Variants in NEGR1 observed in about 807,000 individuals in gnomAD.
The protein encoded by NEGR1 is IgLON family member 4.
In NEGR1, 10 loss-of-function variants were observed where a neutral mutation model predicts 40.9. The observed-to-expected ratio is 0.24, with a 90% CI of 0.15 to 0.42. NEGR1 has a LOEUF of 0.42. NEGR1 is among the 10% of genes least tolerant of loss of function. NEGR1 has a pLI of 1.00. For synonymous variants in NEGR1, 185 were observed against 166.8 expected (o/e 1.11, Z -0.84); for missense variants, 352 against 438.9 (o/e 0.80, Z 1.77).
intron 4 of NEGR1, among the ~76,000 whole-genome samples, chr1:71,650,157 C>T (rs11209812): frequency 0.037 from 5,594 of 152,126 alleles, 136 homozygotes; most frequent in African/African-American, 0.073. Flanking sequence ...AGAAAAGCCT[C>T]GGTTCTCCAC....
At chr1:72,088,839 C>T (rs1178780906) in intron 1 of NEGR1, among the ~76,000 whole-genome samples, 2 of 112,082 alleles carry the variant, frequency 1.8e-5, no homozygotes, top group African/African-American at 6.7e-5. Flanking sequence ...GGAATGGACT[C>T]TCACTCTGTC....
At chr1:71,656,458 G>T (rs927664392) in intron 4 of NEGR1, among the ~76,000 whole-genome samples, 6 of 152,148 alleles carry the variant, frequency 3.9e-5, no homozygotes, top group Admixed American at 3.3e-4. Context: ...TGTCGCCCAA[G>T]CTGGAGTGCA....
chr1:72,001,208 T>G (rs975340818), intron 1 of NEGR1, among the ~76,000 whole-genome samples: 5 of 151,964 alleles, frequency 3.3e-5, no homozygotes, highest in Admixed American at 6.6e-5. Context: ...GGCAACCATT[T>G]TTTCAGGACC....
At chr1:71,900,774 ATTCCATGGAAAATGTAGATTTG>A (rs1661122186) in intron 2 of NEGR1, among the ~76,000 whole-genome samples, 1 of 152,216 alleles carries the variant, frequency 6.6e-6, no homozygotes, top group African/African-American at 2.4e-5. Context: ...GTACAAAATT[ATTCCATGGAAAATGTAGATTTG>A]TTTAATTAAT....
intron 6 of NEGR1, among the ~76,000 whole-genome samples, chr1:71,437,447 CA>C (rs912019674): frequency 6.6e-6 from 1 of 151,654 alleles, no homozygotes; most frequent in African/African-American, 2.4e-5. Context: ...AGCTATTATT[CA>C]AAAAATGATT....
intron 6 of NEGR1, among the ~76,000 whole-genome samples, chr1:71,572,156 C>T (rs1312958649): frequency 1.6e-4 from 24 of 152,300 alleles, no homozygotes; most frequent in Admixed American, 1.5e-3. Flanking sequence ...GTTTAAAACT[C>T]TAACAAGCCA....
chr1:71,773,774 T>A (rs1363459714), intron 3 of NEGR1, among the ~76,000 whole-genome samples: 1 of 152,114 alleles, frequency 6.6e-6, no homozygotes, highest in Non-Finnish European at 1.5e-5. Context: ...AACAAATCTA[T>A]GCACAGTTTA....
At chr1:71,549,166 G>T (rs1272711789) in intron 6 of NEGR1, among the ~76,000 whole-genome samples, 3 of 151,630 alleles carry the variant, frequency 2.0e-5, no homozygotes, top group South Asian at 2.1e-4. Context: ...CAAATATTTT[G>T]TCTAACCTAG....
At chr1:71,769,880 C>G (rs1236715814) in intron 3 of NEGR1, among the ~76,000 whole-genome samples, 2 of 152,130 alleles carry the variant, frequency 1.3e-5, no homozygotes, top group African/African-American at 4.8e-5. Flanking sequence ...GCATACTATT[C>G]CATTTACTGT....
At chr1:71,481,374 C>A (rs1202083620) in intron 6 of NEGR1, among the ~76,000 whole-genome samples, 1 of 151,860 alleles carries the variant, frequency 6.6e-6, no homozygotes, top group Non-Finnish European at 1.5e-5. Flanking sequence ...TCTCTTTACA[C>A]AATGATTTTT....
intron 1 of NEGR1, among the ~76,000 whole-genome samples, chr1:72,200,704 A>T (rs1653174633): frequency 6.6e-6 from 1 of 152,104 alleles, no homozygotes; most frequent in South Asian, 2.1e-4. Context: ...TTAAAAATAC[A>T]ATTGGAATTT....
chr1:71,607,744 A>G (rs1650115990), intron 5 of NEGR1, among the ~76,000 whole-genome samples: 2 of 151,868 alleles, frequency 1.3e-5, no homozygotes, highest in Admixed American at 1.3e-4. Context: ...TCCAGGCTGG[A>G]GTGCAGTGGA....
At chr1:72,041,431 CTTT>C (rs35706358) in intron 1 of NEGR1, among the ~76,000 whole-genome samples, 74 of 123,408 alleles carry the variant, frequency 6.0e-4, no homozygotes, top group East Asian at 9.0e-4. Context: ...CTTCTGTAGG[CTTT>C]TTTTTTTTTT....
At chr1:72,005,283 A>C (rs544158147) in intron 1 of NEGR1, among the ~76,000 whole-genome samples, 1 of 152,140 alleles carries the variant, frequency 6.6e-6, no homozygotes, top group African/African-American at 2.4e-5. Flanking sequence ...AAAATACCCC[A>C]ATCTACCATC....
At chr1:71,705,345 G>C (rs947322416) in intron 3 of NEGR1, among the ~76,000 whole-genome samples, 1 of 152,206 alleles carries the variant, frequency 6.6e-6, no homozygotes, top group African/African-American at 2.4e-5. Context: ...TGAGCTAAAG[G>C]TGTTTAGATA....
At chr1:72,123,586 T>G (rs1471238447) in intron 1 of NEGR1, among the ~76,000 whole-genome samples, 4 of 151,758 alleles carry the variant, frequency 2.6e-5, no homozygotes, top group Non-Finnish European at 5.9e-5. Flanking sequence ...CATAAAATTT[T>G]AAAAATATAA....
At chr1:71,536,339 A>C (rs1218709282) in intron 6 of NEGR1, among the ~76,000 whole-genome samples, 1 of 151,624 alleles carries the variant, frequency 6.6e-6, no homozygotes, top group Non-Finnish European at 1.5e-5. Context: ...GCTTGATGAA[A>C]TTCTCTCAGG....
At chr1:71,854,936 G>T (rs1659716065) in intron 2 of NEGR1, among the ~76,000 whole-genome samples, 1 of 152,030 alleles carries the variant, frequency 6.6e-6, no homozygotes, top group South Asian at 2.1e-4. Flanking sequence ...AATAATCTTA[G>T]GTATCAAAAC....
rs572847576 is a variant in NEGR1, at chr1:72,026,908, G to GT, written c.177-91598dup. On this transcript the variant is annotated intron_variant, in intron 1 of 6. Coordinates refer to ENST00000357731, the MANE Select transcript of NEGR1 (RefSeq NM_173808.3). ...CAAAGATAATAGTCTTAAGACTCAT[G>GT]TTTTTTTTGTTTTGTTTTGTTTTTT... Among the ~76,000 whole-genome samples, 66 of 151,628 alleles carry GT rather than the reference G, an allele frequency of 4.4e-4. 1 individual carries two copies. Among genetic ancestry groups the GT allele is most frequent in the Admixed American group, 1.6e-3 (24 of 15,222 alleles).
Sources: allele counts gnomAD v4.1 joint callset (sites outside exome capture counted in the v4.1 genomes callset), GRCh38; gene constraint gnomAD v4.1.1; transcripts MANE v1.5; gene names NCBI Gene and HGNC (gene_info 2026-07-23, HGNC 2026-07-21).